CCDC88C: variants seen among roughly 807,000 people sequenced by gnomAD.
The protein encoded by CCDC88C is protein Daple.
Under a neutral mutation model 198.8 loss-of-function variants are expected in CCDC88C, and 131 were observed. The ratio of observed to expected loss-of-function variants is 0.66; its 90% CI spans 0.57 to 0.76. The LOEUF (loss-of-function observed/expected upper bound fraction) is 0.76, where lower values mean the gene tolerates loss of function less well. Among genes scored for constraint, CCDC88C ranks in the 30% least tolerant of loss-of-function variants. CCDC88C has a pLI of 0.00. For missense variants in CCDC88C, 2,553 were observed against 2,631.6 expected (o/e 0.97, Z 0.65); for synonymous variants, 1,166 against 1,114.7 (o/e 1.05, Z -0.92).
chr14:91,349,587 T>C (rs1052817256), intron 4 of CCDC88C, among the ~76,000 whole-genome samples: 1 of 152,128 alleles, frequency 6.6e-6, no homozygotes, highest in Non-Finnish European at 1.5e-5. Context: ...TTAACACAAC[T>C]ACACTCTGTT....
chr14:91,410,542 G>A (rs1886742893), intron 2 of CCDC88C, among the ~76,000 whole-genome samples: 1 of 152,164 alleles, frequency 6.6e-6, no homozygotes, highest in Admixed American at 6.5e-5. Context: ...GTTTCTCTTG[G>A]AGTCATGCAT....
intron 13 of CCDC88C, among the ~76,000 whole-genome samples, chr14:91,319,333 C>A (rs1008233529): frequency 1.3e-4 from 20 of 152,220 alleles, no homozygotes; most frequent in African/African-American, 4.8e-4. Context: ...TGCAAACTCT[C>A]ATCTGTTCAC....
intron 23 of CCDC88C, among the ~76,000 whole-genome samples, chr14:91,293,576 T>C (rs1890856739): frequency 1.7e-5 from 2 of 116,562 alleles, no homozygotes; most frequent in Non-Finnish European, 3.6e-5. Flanking sequence ...CGGCCCACCT[T>C]CCTGTCCCCT....
At chr14:91,372,390 G>C (rs1002847721) in intron 3 of CCDC88C, among the ~76,000 whole-genome samples, 1 of 151,846 alleles carries the variant, frequency 6.6e-6, no homozygotes, top group East Asian at 1.9e-4. Context: ...CCTAACAGAG[G>C]GATGGCAGGC....
rs745827807 is a variant in CCDC88C, at chr14:91,273,725, G to C, written c.5059-72C>G. 7.5e-7 allele frequency: 1 copy of C among 1,332,890 alleles called. No individual in the cohort carries two copies. The highest frequency in any genetic ancestry group is 9.8e-7 in the Non-Finnish European group (1 of 1,015,430). The allele number at this position is 1,332,890 out of a possible 1,614,324, so 82.6% of individuals were successfully genotyped here. A position where few individuals can be genotyped will look rare whatever the true frequency, so the allele number is the denominator to read the frequency against. On this transcript the variant is annotated intron_variant, in intron 29 of 29. Transcript: ENST00000389857. This position sits in a 1 kb window ranked among gnomAD's most constrained non-coding sequence, Gnocchi z 5.6. ...GGGTCCTTGGAGCCGCCTCCTGCGC[G>C]GGACGCCCCCGAGCAGCCCACGTGG...
rs150502716 is a variant in CCDC88C at position 91,302,577 on chromosome 14, G to A, written c.3635+1124C>T. Among the ~76,000 whole-genome samples the A allele has an allele frequency of 4.0e-4, 61 of 152,326 alleles. 4 individuals carry two copies. The highest frequency in any genetic ancestry group is 1.4e-3 in the African/African-American group (58 of 41,562). ...AACCCAAGACCATGAACTGTCAAGA[G>A]TGCAAAGTTAAGATGTGTGCATTTC... is the stretch of plus-strand genomic sequence containing the variant. On this transcript the variant is annotated intron_variant, in intron 20 of 29. Transcript: ENST00000389857.
chr14:91,313,471 G>A lies in CCDC88C; in HGVS notation c.2345C>T (p.Thr782Met), dbSNP rs751298743. ...GCCCAGCTCACTCTCCAAGGTCTGC[G>A]TCTTGTGGCTGCTGCTCTCCAGGCT... ...QQSLESSSHK[T>M]QTLESELGEL... The change falls in exon 15 of 30, where the codon ACG (threonine) becomes ATG (methionine). Residue 782 changes from threonine (T) to methionine (M), a missense_variant. By Grantham distance (81) the Thr-to-Met change is moderately conservative. This residue lies in a region of CCDC88C where 1,260 missense variants were observed against 1,412.0 expected (regional missense o/e 0.89). Transcript: ENST00000389857. The surrounding 1 kb of genome is among the most constrained non-coding windows in gnomAD (Gnocchi z 5.2). 1.9e-5 allele frequency: 30 copies of A among 1,607,728 alleles called. No homozygotes were observed. The highest frequency in any genetic ancestry group is 8.3e-5 in the Admixed American group (5 of 60,004).
chr14:91,355,748 GTTAA>G (rs201726079), intron 4 of CCDC88C, among the ~76,000 whole-genome samples: 1 of 135,784 alleles, frequency 7.4e-6, no homozygotes, highest in Non-Finnish European at 1.7e-5. Context: ...GGTGTGGGGG[GTTAA>G]GTGAGACATA....
chr14:91,311,470 C>T (rs1275763844), intron 15 of CCDC88C, among the ~76,000 whole-genome samples: 4 of 152,182 alleles, frequency 2.6e-5, no homozygotes, highest in Non-Finnish European at 5.9e-5. Context: ...CTTCCTCACT[C>T]TCTCTCTTCC....
chr14:91,330,804 C>T (rs1272862908), intron 10 of CCDC88C, among the ~76,000 whole-genome samples: 2 of 152,060 alleles, frequency 1.3e-5, no homozygotes, highest in Non-Finnish European at 2.9e-5. Context: ...GCCTGGAGCG[C>T]AAGACAGAGC....
In CCDC88C at chr14:91,298,901, T is replaced by C. The variant is rs542070725; in HGVS notation, c.3779+1026A>G. 1.3e-3 allele frequency among the ~76,000 whole-genome samples: 200 copies of C among 152,336 alleles called. 3 individuals carry two copies. The highest frequency in any genetic ancestry group is 4.4e-3 in the African/African-American group (183 of 41,574). The stretch of plus-strand genomic sequence containing the variant: ...CTGGATTCCATCCTGACTCTGCTAT[T>C]CACTAGAAACACTGACTCGGAACAA... On this transcript the variant is annotated intron_variant, in intron 21 of 29. Coordinates refer to ENST00000389857, the MANE Select transcript of CCDC88C (RefSeq NM_001080414.4).
rs201474423 is a variant in CCDC88C, at chr14:91,289,322, G to A, written c.4224C>T (p.Ala1408=). 206 of 1,614,008 alleles carry A rather than the reference G, an allele frequency of 1.3e-4. No individual in the cohort carries two copies. In the African/African-American group the frequency reaches 2.2e-3, roughly 17 times the overall value. Residue 1408 remains alanine (A), a synonymous_variant, in exon 25 of 30, where the codon GCC becomes GCT. Transcript: ENST00000389857. ...GTTTGATGAGTTTGACTAAGGCTTT[G>A]GCTCCAATCCAGTGGTTCTTCCTGG... ...PPKKKNHWIG[A]KALVKLIKPK...
intron 25 of CCDC88C, among the ~76,000 whole-genome samples, chr14:91,287,895 A>C (rs77672292): frequency 6.6e-6 from 1 of 152,202 alleles, no homozygotes; most frequent in Non-Finnish European, 1.5e-5. Context: ...AATGATATTT[A>C]AAGGTAAAGC....
At chr14:91,414,129 T>A (rs1055263081) in intron 2 of CCDC88C, among the ~76,000 whole-genome samples, 6 of 152,244 alleles carry the variant, frequency 3.9e-5, no homozygotes, top group Admixed American at 1.3e-4. Flanking sequence ...AATCCAAGGA[T>A]CGAAGAATGT....
At chr14:91,309,291 G>A (rs1891701049) in intron 16 of CCDC88C, among the ~76,000 whole-genome samples, 1 of 152,086 alleles carries the variant, frequency 6.6e-6, no homozygotes, top group African/African-American at 2.4e-5. Context: ...AACTGTAATA[G>A]TCTAATTTTT....
intron 3 of CCDC88C, among the ~76,000 whole-genome samples, chr14:91,375,587 G>A (rs1450250437): frequency 1.3e-5 from 2 of 152,152 alleles, no homozygotes; most frequent in East Asian, 1.9e-4. Flanking sequence ...AGGCAGACCA[G>A]CTGCTCTGGC....
chr14:91,315,102 T>C (rs770150994), intron 14 of CCDC88C, among the ~76,000 whole-genome samples: 2 of 152,080 alleles, frequency 1.3e-5, no homozygotes, highest in Non-Finnish European at 2.9e-5. Context: ...TTGGGAGGGT[T>C]TCCCTGTGAT....
At chr14:91,373,012 T>C (rs1894894056) in intron 3 of CCDC88C, among the ~76,000 whole-genome samples, 1 of 152,096 alleles carries the variant, frequency 6.6e-6, no homozygotes, top group African/African-American at 2.4e-5. Context: ...AGGGCAGCTC[T>C]GCAGGGGGCA....
rs745347761 is a variant in CCDC88C at position 91,283,500 on chromosome 14, G to C, written c.4459C>G (p.Pro1487Ala). The C allele has an allele frequency of 6.2e-7, 1 of 1,610,944 alleles. No homozygotes were observed. The highest frequency in any genetic ancestry group is 8.5e-7 in the Non-Finnish European group (1 of 1,178,762). Reference sequence around the variant, plus strand: ...CCTCTGTGTGGGGAGCCTCGCTTTGGTTTTAGATCCCCAGGGCCTGAGGCA... The same window carrying C: ...CCTCTGTGTGGGGAGCCTCGCTTTGCTTTTAGATCCCCAGGGCCTGAGGCA... ...SVGKGPGDLKPKRGSPHRGSL... is the reference protein window; with the variant it reads ...SVGKGPGDLKAKRGSPHRGSL... Residue 1487 changes from proline to alanine, a missense_variant, in exon 26 of 30, where the codon CCA becomes GCA. Physicochemically the swap from Pro to Ala is conservative, Grantham distance 27 (BLOSUM62 -1). Transcript: ENST00000389857.
Sources: allele counts gnomAD v4.1 joint callset (sites outside exome capture counted in the v4.1 genomes callset), GRCh38; gene constraint gnomAD v4.1.1; regional missense constraint gnomAD v4.1.1; non-coding constraint Gnocchi (gnomAD v3.1); transcripts MANE v1.5; gene names NCBI Gene and HGNC (gene_info 2026-07-23, HGNC 2026-07-21).